Variants in SHISAL1 observed in about 807,000 individuals in gnomAD.
SHISAL1 encodes protein shisa-like-1.
SHISAL1 carries 9 observed loss-of-function variants against 22.6 expected under a neutral mutation model. The observed-to-expected ratio is 0.40, with a 90% CI of 0.24 to 0.70. The LOEUF (loss-of-function observed/expected upper bound fraction) is 0.70, where lower values mean the gene tolerates loss of function less well. Ranked by LOEUF, SHISAL1 falls within the 30% of genes least tolerant of loss-of-function variation. The pLI, the probability that SHISAL1 is intolerant of heterozygous loss-of-function variation, is 0.39. For synonymous variants in SHISAL1, 119 were observed against 115.4 expected (o/e 1.03, Z -0.20); for missense variants, 246 against 270.6 (o/e 0.91, Z 0.64).
At chr22:44,279,629 A>T (rs1267373171) in intron 4 of SHISAL1, among the ~76,000 whole-genome samples, 1 of 152,166 alleles carries the variant, frequency 6.6e-6, no homozygotes, top group Non-Finnish European at 1.5e-5. Flanking sequence ...GAATAAGGTG[A>T]GAAACGGTGG....
chr22:44,319,469 T>C, the SHISAL1 span, among the ~76,000 whole-genome samples: 1 of 152,186 alleles, frequency 6.6e-6, no homozygotes, highest in Non-Finnish European at 1.5e-5. Flanking sequence ...ATGAAACCAC[T>C]TCCCCATTAC....
chr22:44,256,168 TCGGCTCTCC>T (rs1569207569), intron 4 of SHISAL1, among the ~76,000 whole-genome samples: 5 of 148,708 alleles, frequency 3.4e-5, no homozygotes, highest in South Asian at 4.2e-4. Flanking sequence ...ACTCACACCA[TCGGCTCTCC>T]TGGGTCTCAG....
chr22:44,272,119 T>C (rs575549358), intron 4 of SHISAL1, among the ~76,000 whole-genome samples: 1 of 152,246 alleles, frequency 6.6e-6, no homozygotes, highest in Admixed American at 6.5e-5. Flanking sequence ...CTGCTGCAGG[T>C]AGCACGTCCC....
At chr22:44,298,149 C>G (rs538917933) in intron 2 of SHISAL1, among the ~76,000 whole-genome samples, 64 of 152,332 alleles carry the variant, frequency 4.2e-4, no homozygotes, top group African/African-American at 1.5e-3. Flanking sequence ...TTTGGGGAAC[C>G]AGGGGAGCTC....
At chr22:44,314,421 T>G (rs2055544414), upstream of SHISAL1, among the ~76,000 whole-genome samples, 1 of 152,144 alleles carries the variant, frequency 6.6e-6, no homozygotes, top group African/African-American at 2.4e-5. Context: ...TTTGTTATAG[T>G]TCAAAGCAGA....
chr22:44,313,907 G>T (rs1374748687), upstream of SHISAL1, among the ~76,000 whole-genome samples: 2 of 152,310 alleles, frequency 1.3e-5, no homozygotes, highest in South Asian at 4.1e-4. Context: ...TGGTCTGGGT[G>T]CCCCTCATCT....
chr22:44,247,580 A>T lies in SHISAL1; in HGVS notation c.*2105T>A, dbSNP rs1178659687. ...GCCTGGAGGAGACAGCTGGACCCAA[A>T]GACTGAAGCCAGGGGCCTGGGTCTT... On this transcript the variant is annotated 3_prime_UTR_variant, in exon 5 of 5. Coordinates refer to ENST00000381176, the MANE Select transcript of SHISAL1 (RefSeq NM_001099294.2). 1 of 152,384 alleles carries T rather than the reference A, an allele frequency of 6.6e-6. No homozygotes were observed. Among genetic ancestry groups the T allele is most frequent in the Non-Finnish European group, 1.5e-5 (1 of 68,178 alleles). The allele number at this position is 152,384 out of a possible 1,614,324, so 9.4% of individuals were successfully genotyped here.
chr22:44,257,546 C>T (rs73888943), intron 4 of SHISAL1, among the ~76,000 whole-genome samples: 1 of 152,194 alleles, frequency 6.6e-6, no homozygotes, highest in Non-Finnish European at 1.5e-5. Context: ...AATTTCTGTA[C>T]TTTCCACTCA....
At chr22:44,250,613 TGACCCA>T (rs939395631) in intron 4 of SHISAL1, among the ~76,000 whole-genome samples, 5 of 152,204 alleles carry the variant, frequency 3.3e-5, no homozygotes, top group Admixed American at 6.5e-5. Context: ...GGTGGTCACA[TGACCCA>T]GTCTGGCTAA....
At position 44,300,995 on chromosome 22, in the gene SHISAL1, C is replaced by T. The variant is rs756924285; in HGVS notation, c.-32-18G>A. 4.7e-5 allele frequency: 74 copies of T among 1,566,866 alleles called. No individual in the cohort carries two copies. The highest frequency in any genetic ancestry group is 1.4e-4 in the East Asian group (6 of 44,334). ...AGAGCTGCCTGTTCAATGAGAGCCA[C>T]GAGAGGCTGGGTGTGGGCTGTCTCG... On this transcript the variant is annotated intron_variant, in intron 1 of 4. Transcript: ENST00000381176.
rs1162978144 is a variant in SHISAL1, at chr22:44,247,053, C to A, written c.*2632G>T. ...AGGAATGTCCTCCTAGAAGGTTGTA[C>A]ATCTCAAGGGATGCTTAGGTGAACC... On this transcript the variant is annotated 3_prime_UTR_variant, in exon 5 of 5. Transcript: ENST00000381176. 6.6e-6 allele frequency: 1 copy of A among 152,258 alleles called. No homozygotes were observed. The highest frequency in any genetic ancestry group is 2.4e-5 in the African/African-American group (1 of 41,440). The allele number at this position is 152,258 out of a possible 1,614,324, so 9.4% of individuals were successfully genotyped here.
chr22:44,266,530 G>A (rs1215223063), intron 4 of SHISAL1, among the ~76,000 whole-genome samples: 1 of 124,126 alleles, frequency 8.1e-6, no homozygotes. Flanking sequence ...TTTGGGGTAT[G>A]TGTGTGTGTG....
At chr22:44,324,108 T>C in the SHISAL1 span, among the ~76,000 whole-genome samples, 1 of 152,188 alleles carries the variant, frequency 6.6e-6, no homozygotes, top group Non-Finnish European at 1.5e-5. Flanking sequence ...TGGTTAGCAA[T>C]GTAACTGACC....
intron 4 of SHISAL1, among the ~76,000 whole-genome samples, chr22:44,250,758 T>A (rs1236741668): frequency 6.6e-6 from 1 of 152,250 alleles, no homozygotes; most frequent in Non-Finnish European, 1.5e-5. Flanking sequence ...AACTTGGTTC[T>A]GGTGGCAGCC....
At chr22:44,294,825 G>A (rs1273625539) in intron 3 of SHISAL1, among the ~76,000 whole-genome samples, 4 of 151,986 alleles carry the variant, frequency 2.6e-5, no homozygotes, top group Non-Finnish European at 5.9e-5. Flanking sequence ...AATACTCAGA[G>A]GATATAGTGG....
rs543798807 is a variant in SHISAL1, at chr22:44,245,630, C to A, written c.*4055G>T. 6.5e-6 allele frequency: 1 copy of A among 152,712 alleles called. No homozygotes were observed. The highest frequency in any genetic ancestry group is 1.5e-5 in the Non-Finnish European group (1 of 68,360). 9.5% of individuals were successfully genotyped at this position (152,712 alleles called of 1,614,324 possible). ...AGCGGAGGGGCCTGCCTGGGGATGGCAGCTGGAATCCTGAGCCAACCTGGA... is the reference window on the plus strand; with the variant it reads ...AGCGGAGGGGCCTGCCTGGGGATGGAAGCTGGAATCCTGAGCCAACCTGGA... On this transcript the variant is annotated 3_prime_UTR_variant, in exon 5 of 5. Transcript: ENST00000381176.
intron 3 of SHISAL1, among the ~76,000 whole-genome samples, chr22:44,293,354 G>C (rs1270481869): frequency 6.6e-6 from 1 of 152,118 alleles, no homozygotes; most frequent in Non-Finnish European, 1.5e-5. Flanking sequence ...AGCTTAACTG[G>C]AGATGATTCT....
intron 4 of SHISAL1, among the ~76,000 whole-genome samples, chr22:44,253,596 A>ATTTTTT (rs71759472): frequency 2.9e-5 from 4 of 138,280 alleles, no homozygotes; most frequent in Non-Finnish European, 3.1e-5. Context: ...TGTCTGGCTA[A>ATTTTTT]TTTTTTTTTT....
intron 1 of SHISAL1, among the ~76,000 whole-genome samples, chr22:44,311,687 T>G (rs1436630558): frequency 3.3e-5 from 5 of 152,170 alleles, no homozygotes; most frequent in Non-Finnish European, 5.9e-5. Context: ...GAAAGGGGCT[T>G]AGCTGGAAAC....
Sources: allele counts gnomAD v4.1 joint callset (sites outside exome capture counted in the v4.1 genomes callset), GRCh38; gene constraint gnomAD v4.1.1; transcripts MANE v1.5; gene names NCBI Gene and HGNC (gene_info 2026-07-23, HGNC 2026-07-21).